Variants in WWP2 observed in about 807,000 individuals in gnomAD.
WWP2 encodes the protein WW domain containing E3 ubiquitin protein ligase 2.
A neutral mutation model predicts 121.0 loss-of-function variants in WWP2; 57 were observed. The ratio of observed to expected loss-of-function variants is 0.47; its 90% CI spans 0.38 to 0.59. The LOEUF is 0.59. Among genes scored for constraint, WWP2 ranks in the 20% least tolerant of loss-of-function variants. WWP2 has a pLI of 0.00. For synonymous variants in WWP2, 449 were observed against 441.3 expected, an observed-to-expected ratio of 1.02 and a Z score of -0.22; for missense variants, 962 against 1,158.9, an observed-to-expected ratio of 0.83 and a Z score of 2.47.
intron 4 of WWP2, chr16:69,828,090 A>G (rs1680354977): frequency 2.8e-6 from 1 of 362,608 alleles, no homozygotes; most frequent in Non-Finnish European, 5.3e-6. Context: ...AAGTAAAGGA[A>G]AATGTGTGTA....
chr16:69,933,839 C>G, intron 16 of WWP2, 131 bp from the exon 17 acceptor site: 1 of 1,076,860 alleles, frequency 9.3e-7, no homozygotes, highest in South Asian at 1.5e-5. Flanking sequence ...GGGTGCTTGT[C>G]ACAGGGCTCG....
intron 5 of WWP2, among the ~76,000 whole-genome samples, chr16:69,841,301 A>C (rs2056972797): frequency 6.6e-6 from 1 of 152,214 alleles, no homozygotes; most frequent in Non-Finnish European, 1.5e-5. Flanking sequence ...AGATTCCTGT[A>C]CTTTGTTGGG....
chr16:69,823,625 A>G (rs1289621538), intron 4 of WWP2, among the ~76,000 whole-genome samples: 3 of 151,754 alleles, frequency 2.0e-5, no homozygotes, highest in East Asian at 1.9e-4. Flanking sequence ...GTACCACCAC[A>G]CCTAGCTAAT....
chr16:69,778,651 A>G (rs1173654548), intron 1 of WWP2, among the ~76,000 whole-genome samples: 1 of 151,950 alleles, frequency 6.6e-6, no homozygotes, highest in Non-Finnish European at 1.5e-5. Flanking sequence ...AGTTACGGTT[A>G]TTTCTCTTGA....
intron 6 of WWP2, among the ~76,000 whole-genome samples, chr16:69,855,385 G>GC (rs553350445): frequency 1.3e-5 from 2 of 152,070 alleles, no homozygotes; most frequent in African/African-American, 2.4e-5. Context: ...AGTCACCAAA[G>GC]CCCCCCTGAC....
chr16:69,933,201 C>G (rs376648616), intron 16 of WWP2: 1 of 462,506 alleles, frequency 2.2e-6, no homozygotes. Context: ...ACGGACTCCT[C>G]GTCTGCCCAG....
rs180828213 is a variant in WWP2 at position 69,891,336 on chromosome 16, A to T, written c.914+3087A>T. ...GAGAGAAGGAAATCTGTCATTTCTA[A>T]TTCCAATACCAACAAAGGGTGTGTT... On this transcript the variant is annotated intron_variant, in intron 8 of 23. Coordinates refer to ENST00000359154, the MANE Select transcript of WWP2 (RefSeq NM_001270454.2). 2.0e-3 allele frequency among the ~76,000 whole-genome samples: 307 copies of T among 152,296 alleles called. 3 individuals are homozygous for T. Among genetic ancestry groups the T allele is most frequent in the African/African-American group, 6.7e-3 (278 of 41,562 alleles).
intron 1 of WWP2, among the ~76,000 whole-genome samples, chr16:69,762,810 G>A (rs1370107848): frequency 1.3e-5 from 2 of 152,188 alleles, no homozygotes; most frequent in African/African-American, 2.4e-5. Context: ...GAGGGAAAAA[G>A]ATGCTGCCTG....
In WWP2 at chr16:69,838,425, G is replaced by A. The variant is rs148985827; in HGVS notation, c.341-1701G>A. ...GGTACTGGATCTTGGCGTAATAGAGGAGGGAGACCCTCCTTGACTTAAAAA... is the reference window on the plus strand; with the variant it reads ...GGTACTGGATCTTGGCGTAATAGAGAAGGGAGACCCTCCTTGACTTAAAAA... On this transcript the variant is annotated intron_variant, in intron 4 of 23. Transcript: ENST00000359154. 1.2e-3 allele frequency among the ~76,000 whole-genome samples: 168 copies of A among 142,374 alleles called. 1 individual carries two copies. Among genetic ancestry groups the A allele is most frequent in the Non-Finnish European group, 1.9e-3 (128 of 66,154 alleles). The allele number at this position is 142,374 out of a possible 152,430, so 93.4% of individuals were successfully genotyped here. A position where few individuals can be genotyped will look rare whatever the true frequency, so the allele number is the denominator to read the frequency against.
At chr16:69,939,514 AG>A (rs1317689625) in intron 23 of WWP2, 101 bp downstream of exon 23, 285 of 1,280,658 alleles carry the variant, frequency 2.2e-4, no homozygotes, top group Non-Finnish European at 3.1e-4. Context: ...CGAGTCTGGC[AG>A]CTTTTGCGTG....
chr16:69,934,105 C>G lies in WWP2; in HGVS notation c.1818C>G (p.Arg606=), dbSNP rs1386896104. The change falls in exon 17 of 24, where the codon CGC becomes CGG. Residue 606 remains arginine (R), a synonymous_variant. Transcript: ENST00000359154. ...ACCCGGACCACCTCACCTACTTTCG[C>G]TTTATAGGCAGATTCATCGCCATGG... The part of the protein sequence containing the change: ...SINPDHLTYF[R]FIGRFIAMAL... 1.4e-5 allele frequency: 23 copies of G among 1,614,192 alleles called. No individual in the cohort carries two copies. Among genetic ancestry groups the G allele is most frequent in the Non-Finnish European group, 1.9e-5 (22 of 1,180,022 alleles).
intron 4 of WWP2, among the ~76,000 whole-genome samples, chr16:69,824,845 A>G (rs2056656513): frequency 1.0e-5 from 1 of 96,934 alleles, no homozygotes; most frequent in South Asian, 4.1e-4. Flanking sequence ...ATCTTGGCTC[A>G]CTGCAGCCTC....
At chr16:69,836,023 G>A (rs946194366) in intron 4 of WWP2, among the ~76,000 whole-genome samples, 5 of 151,948 alleles carry the variant, frequency 3.3e-5, no homozygotes, top group Non-Finnish European at 5.9e-5. Flanking sequence ...GGCTGATCTC[G>A]AACTCCTGGG....
At position 69,935,107 on chromosome 16, in the gene WWP2, G is replaced by A. The variant is rs1037668906; in HGVS notation, c.1843-746G>A. Among the ~76,000 whole-genome samples, 1 of 152,160 alleles carries A rather than the reference G, an allele frequency of 6.6e-6. No homozygotes were observed. Among genetic ancestry groups the A allele is most frequent in the Non-Finnish European group, 1.5e-5 (1 of 68,022 alleles). On this transcript the variant is annotated intron_variant, in intron 17 of 23. Coordinates refer to ENST00000359154, the MANE Select transcript of WWP2 (RefSeq NM_001270454.2). This position sits in a 1 kb window ranked among gnomAD's most constrained non-coding sequence, Gnocchi z 5.2. ...GCGTGGAGAACCCGGATTGAGAAGC[G>A]GAGCCCGTGGGAGGCACAGCGCGGG...
intron 4 of WWP2, among the ~76,000 whole-genome samples, chr16:69,822,049 TAG>T (rs914643862): frequency 1.3e-5 from 2 of 152,090 alleles, no homozygotes; most frequent in African/African-American, 4.8e-5. Flanking sequence ...GTATTTTTTG[TAG>T]AGACAGGGTC....
chr16:69,883,537 A>T (rs1349975532), intron 7 of WWP2, among the ~76,000 whole-genome samples: 1 of 152,030 alleles, frequency 6.6e-6, no homozygotes, highest in Non-Finnish European at 1.5e-5. Context: ...TCTGTTTCCA[A>T]ATCTGAACTC....
At chr16:69,838,248 C>G (rs999764330) in intron 4 of WWP2, among the ~76,000 whole-genome samples, 7 of 152,050 alleles carry the variant, frequency 4.6e-5, no homozygotes, top group African/African-American at 9.7e-5. Flanking sequence ...ATGATTACCC[C>G]TGTTTTGCAG....
intron 4 of WWP2, among the ~76,000 whole-genome samples, chr16:69,818,298 C>T (rs2056533126): frequency 6.6e-6 from 1 of 151,926 alleles, no homozygotes; most frequent in South Asian, 2.1e-4. Context: ...ACCTCTGCCT[C>T]CCGGGTTCAA....
chr16:69,826,956 G>GCC lies in WWP2; in HGVS notation c.341-13170_341-13169insCC, dbSNP rs1378566501. ...TCCACCTCAAAAAAAAAAAAAAAAG[G>GCC]GGGGGGGGCGGAGAGAATAATGGAC... is the stretch of plus-strand genomic sequence containing the variant. On this transcript the variant is annotated intron_variant, in intron 4 of 23. Coordinates refer to ENST00000359154, the MANE Select transcript of WWP2 (RefSeq NM_001270454.2). 3.1e-3 allele frequency among the ~76,000 whole-genome samples: 54 copies of GCC among 17,374 alleles called. 3 individuals are homozygous for GCC. The highest frequency in any genetic ancestry group is 0.012 in the Non-Finnish European group (44 of 3,540). 11.4% of individuals were successfully genotyped at this position (17,374 alleles called of 152,430 possible). A position where few individuals can be genotyped will look rare whatever the true frequency, so the allele number is the denominator to read the frequency against.
Sources: allele counts gnomAD v4.1 joint callset (sites outside exome capture counted in the v4.1 genomes callset), GRCh38; gene constraint gnomAD v4.1.1; non-coding constraint Gnocchi (gnomAD v3.1); transcripts MANE v1.5; gene names NCBI Gene and HGNC (gene_info 2026-07-23, HGNC 2026-07-21).